Variants in ZFHX2 observed in about 807,000 individuals in gnomAD.
ZFHX2 encodes zinc finger homeobox 2.
Under a neutral mutation model 164.8 loss-of-function variants are expected in ZFHX2, and 75 were observed. The observed-to-expected ratio is 0.46, with a 90% CI of 0.38 to 0.55. The LOEUF is 0.55. Ranked by LOEUF, ZFHX2 falls within the 20% of genes least tolerant of loss-of-function variation. The pLI is 0.00. For missense variants in ZFHX2, 2,933 were observed against 3,308.0 expected, an observed-to-expected ratio of 0.89 and a Z score of 2.78; for synonymous variants, 1,217 against 1,351.4, an observed-to-expected ratio of 0.90 and a Z score of 2.18.
At position 23,524,737 on chromosome 14, in the gene ZFHX2, T is replaced by A. The variant is rs1204616936; in HGVS notation, c.5205A>T (p.Leu1735Phe). The A allele has an allele frequency of 6.5e-7, 1 of 1,536,364 alleles. No homozygotes were observed. The highest frequency in any genetic ancestry group is 8.7e-7 in the Non-Finnish European group (1 of 1,146,946). Residue 1735 changes from leucine (L) to phenylalanine (F), a missense_variant, in exon 9 of 10, where the codon TTA becomes TTT. By Grantham distance (22) the Leu-to-Phe change is conservative. Coordinates refer to ENST00000419474, the MANE Select transcript of ZFHX2 (RefSeq NM_033400.3). This position sits in a 1 kb window ranked among gnomAD's most constrained non-coding sequence, Gnocchi z 5.6. ...GCTCCTCCCCATCTGGAGGCTCTGG[T>A]AATGGGCCCTCAGGCCCTGCTGGAG... ...LEPPAGPEGP[L>F]PEPPDGEELS...
chr14:23,542,677 T>G (rs1237233845), intron 1 of ZFHX2, among the ~76,000 whole-genome samples: 1 of 152,006 alleles, frequency 6.6e-6, no homozygotes, highest in African/African-American at 2.4e-5. Flanking sequence ...AGAATCAGGA[T>G]CCTATCTGAT....
chr14:23,554,723 T>TGGTC (rs1314182658), upstream of ZFHX2, among the ~76,000 whole-genome samples: 17 of 152,098 alleles, frequency 1.1e-4, 1 homozygote, highest in African/African-American at 4.1e-4. Context: ...TCCTTCTCCC[T>TGGTC]ATAATACCTC....
In ZFHX2 at chr14:23,523,060, C is replaced by T. The variant is rs182649695; in HGVS notation, c.6740-119G>A. On this transcript the variant is annotated intron_variant, in intron 9 of 9. Coordinates refer to ENST00000419474, the MANE Select transcript of ZFHX2 (RefSeq NM_033400.3). This position sits in a 1 kb window ranked among gnomAD's most constrained non-coding sequence, Gnocchi z 4.1. The stretch of plus-strand genomic sequence containing the variant: ...CAGCACCGGATTTCCATGCCCCTTC[C>T]CTCCCTTCTTTCCCCCAAGAGCCTG... The T allele has an allele frequency of 2.5e-5, 35 of 1,405,150 alleles. No individual in the cohort carries two copies. In the Admixed American group the frequency reaches 3.8e-4, roughly 15 times the overall value. The allele number at this position is 1,405,150 out of a possible 1,614,324, so 87.0% of individuals were successfully genotyped here.
rs566764035 is a variant in ZFHX2 at position 23,523,151 on chromosome 14, A to G, written c.6739+52T>C. On this transcript the variant is annotated intron_variant, in intron 9 of 9. Coordinates refer to ENST00000419474, the MANE Select transcript of ZFHX2 (RefSeq NM_033400.3). The surrounding 1 kb of genome is among the most constrained non-coding windows in gnomAD (Gnocchi z 4.1). Reference sequence around the variant, plus strand: ...CAGGAAGGAAAAGGAAGGGCATGTCATTAGAGGGGGATGTTCTCTGAAGTC... The same window carrying G: ...CAGGAAGGAAAAGGAAGGGCATGTCGTTAGAGGGGGATGTTCTCTGAAGTC... 2.8e-6 allele frequency: 4 copies of G among 1,410,054 alleles called. No homozygotes were observed. The East Asian group carries it at 1.0e-4, about 37-fold the overall frequency. The allele number at this position is 1,410,054 out of a possible 1,614,324, so 87.3% of individuals were successfully genotyped here. A position where few individuals can be genotyped will look rare whatever the true frequency, so the allele number is the denominator to read the frequency against.
In ZFHX2 at chr14:23,524,786, A is replaced by ACTT. The variant is rs768749202; in HGVS notation, c.5153_5155dup (p.Glu1718dup). ...AGGTTCAAGGCCCTGTTCCTCCTCT[A>ACTT]CTTCTTCTTCTTCCACCTCTTCCTC... is the stretch of plus-strand genomic sequence containing the variant. On this transcript the variant is annotated inframe_insertion, in exon 9 of 10. Coordinates refer to ENST00000419474, the MANE Select transcript of ZFHX2 (RefSeq NM_033400.3). The surrounding 1 kb of genome is among the most constrained non-coding windows in gnomAD (Gnocchi z 5.6). 3.3e-5 allele frequency: 51 copies of ACTT among 1,536,198 alleles called. No individual in the cohort carries two copies. Among genetic ancestry groups the ACTT allele is most frequent in the Non-Finnish European group, 4.2e-5 (48 of 1,146,924 alleles).
chr14:23,526,833 G>C lies in ZFHX2; in HGVS notation c.3262+14C>G, dbSNP rs767546173. Reference sequence around the variant, plus strand: ...TTCCTGGTACCTTGGGAGGTTTGCTGTTCCATTCCTTACCTGCTGCCTGGT... The same window carrying C: ...TTCCTGGTACCTTGGGAGGTTTGCTCTTCCATTCCTTACCTGCTGCCTGGT... On this transcript the variant is annotated intron_variant, in intron 8 of 9. Coordinates refer to ENST00000419474, the MANE Select transcript of ZFHX2 (RefSeq NM_033400.3). The C allele has an allele frequency of 9.2e-6, 14 of 1,525,722 alleles. No individual in the cohort carries two copies. The highest frequency in any genetic ancestry group is 8.3e-5 in the African/African-American group (6 of 72,640). 94.5% of individuals were successfully genotyped at this position (1,525,722 alleles called of 1,614,324 possible). A position where few individuals can be genotyped will look rare whatever the true frequency, so the allele number is the denominator to read the frequency against.
chr14:23,526,192 G>A lies in ZFHX2; in HGVS notation c.3750C>T (p.Cys1250=). Residue 1250 remains cysteine, a synonymous_variant, in exon 9 of 10, where the codon TGC becomes TGT. Coordinates refer to ENST00000419474, the MANE Select transcript of ZFHX2 (RefSeq NM_033400.3). ...GGTTGTAGGAGACTCTGCAGACTGTGCACTTAAAGGGCTTGTCTGTGGCAG... is the reference window on the plus strand; with the variant it reads ...GGTTGTAGGAGACTCTGCAGACTGTACACTTAAAGGGCTTGTCTGTGGCAG... The part of the protein sequence containing the change: ...TTAATDKPFK[C]TVCRVSYNQS... 6.5e-7 allele frequency: 1 copy of A among 1,536,572 alleles called. No individual in the cohort carries two copies.
intron 3 of ZFHX2, chr14:23,531,946 T>G (rs905044189): frequency 6.6e-6 from 3 of 454,494 alleles, no homozygotes; most frequent in Non-Finnish European, 1.0e-5. Flanking sequence ...TGGCTAATTT[T>G]TGTATTTTTA....
At chr14:23,531,794 T>TC in intron 3 of ZFHX2, 73 bp from the exon 4 acceptor site, 1 of 1,265,632 alleles carries the variant, frequency 7.9e-7, no homozygotes, top group Non-Finnish European at 1.0e-6. Context: ...TTTTTTTTTT[T>TC]CTAGAGAGAG....
Position 23,524,840 on chromosome 14 carries a change from T to A in ZFHX2, c.5102A>T (p.Glu1701Val). Reference sequence around the variant, plus strand: ...TTCCCCTCTCTCTGCCTCTTCCTCCTCCTCTTCAAGGGTCTGGTCATCATA... The same window carrying A: ...TTCCCCTCTCTCTGCCTCTTCCTCCACCTCTTCAAGGGTCTGGTCATCATA... ...KCYDDQTLEE[E>V]EEEAERGEEE... is the part of the protein sequence containing the mutation. Residue 1701 changes from glutamate to valine, a missense_variant, in exon 9 of 10, where the codon GAG (glutamate) becomes GTG (valine). By Grantham distance (121) the Glu-to-Val change is moderately radical. Transcript: ENST00000419474. The surrounding 1 kb of genome is among the most constrained non-coding windows in gnomAD (Gnocchi z 5.6). 1.3e-6 allele frequency: 2 copies of A among 1,536,932 alleles called. No individual in the cohort carries two copies. The highest frequency in any genetic ancestry group is 4.9e-5 in the East Asian group (2 of 40,962).
chr14:23,529,642 A>G (rs1343921798), intron 6 of ZFHX2, 68 bp downstream of exon 6: 2 of 1,403,120 alleles, frequency 1.4e-6, no homozygotes, highest in East Asian at 2.5e-5. Context: ...GTCTGCCTTT[A>G]GAATATGAGC....
Position 23,523,104 on chromosome 14 carries a change from G to A in ZFHX2, c.6739+99C>T. ...GAGCCTGATGCAAAGGAAGGCCACAGGAGATTGGGCATGGGAAGAATCAGG... is the reference window on the plus strand; with the variant it reads ...GAGCCTGATGCAAAGGAAGGCCACAAGAGATTGGGCATGGGAAGAATCAGG... On this transcript the variant is annotated intron_variant, in intron 9 of 9. Coordinates refer to ENST00000419474, the MANE Select transcript of ZFHX2 (RefSeq NM_033400.3). This position sits in a 1 kb window ranked among gnomAD's most constrained non-coding sequence, Gnocchi z 4.1. 7.1e-7 allele frequency: 1 copy of A among 1,407,096 alleles called. No individual in the cohort carries two copies. The highest frequency in any genetic ancestry group is 9.2e-7 in the Non-Finnish European group (1 of 1,086,064). 87.2% of individuals were successfully genotyped at this position (1,407,096 alleles called of 1,614,324 possible). A position where few individuals can be genotyped will look rare whatever the true frequency, so the allele number is the denominator to read the frequency against.
At chr14:23,547,782 A>G (rs1017994356) in intron 1 of ZFHX2, among the ~76,000 whole-genome samples, 2 of 152,208 alleles carry the variant, frequency 1.3e-5, no homozygotes, top group Non-Finnish European at 2.9e-5. Flanking sequence ...CTCCCTACTA[A>G]TTCAACGTTT....
In ZFHX2 at chr14:23,524,682, C is replaced by T. The variant is rs1878478860; in HGVS notation, c.5260G>A (p.Gly1754Ser). 1.3e-6 allele frequency: 2 copies of T among 1,536,184 alleles called. No homozygotes were observed. The highest frequency in any genetic ancestry group is 2.7e-5 in the African/African-American group (2 of 73,022). ...LSQAEATKAG[G>S]KEPEEKATPS... ...GTAGCCTTCTCTTCAGGCTCTTTGC[C>T]TCCTGCCTTTGTTGCCTCTGCTTGG... Residue 1754 changes from glycine to serine, a missense_variant, in exon 9 of 10, where the codon GGC becomes AGC. By Grantham distance (56) the Gly-to-Ser change is moderately conservative. Coordinates refer to ENST00000419474, the MANE Select transcript of ZFHX2 (RefSeq NM_033400.3). The surrounding 1 kb of genome is among the most constrained non-coding windows in gnomAD (Gnocchi z 5.6).
rs1319676043 is a variant in ZFHX2, at chr14:23,520,991, G to A, written c.*971C>T. 1 of 151,200 alleles carries A rather than the reference G, an allele frequency of 6.6e-6. No individual in the cohort carries two copies. Among genetic ancestry groups the A allele is most frequent in the Non-Finnish European group, 1.5e-5 (1 of 67,906 alleles). 9.4% of individuals were successfully genotyped at this position (151,200 alleles called of 1,614,324 possible). Reference sequence around the variant, plus strand: ...ACTCTCTCTCGCTCTTGCTTTTTTGGTTGTGTTTCAGTTTTTTTTTTTGAA... The same window carrying A: ...ACTCTCTCTCGCTCTTGCTTTTTTGATTGTGTTTCAGTTTTTTTTTTTGAA... On this transcript the variant is annotated 3_prime_UTR_variant, in exon 10 of 10. Coordinates refer to ENST00000419474, the MANE Select transcript of ZFHX2 (RefSeq NM_033400.3). The surrounding 1 kb of genome is among the most constrained non-coding windows in gnomAD (Gnocchi z 8.7).
In ZFHX2 at chr14:23,546,792, C is replaced by T. The variant is rs1256653581; in HGVS notation, c.-50+4551G>A. Among the ~76,000 whole-genome samples the T allele has an allele frequency of 2.0e-5, 3 of 152,130 alleles. No homozygotes were observed. Among genetic ancestry groups the T allele is most frequent in the African/African-American group, 2.4e-5 (1 of 41,406 alleles). On this transcript the variant is annotated intron_variant, in intron 1 of 9. Transcript: ENST00000419474. The surrounding 1 kb of genome is among the most constrained non-coding windows in gnomAD (Gnocchi z 4.7). Reference sequence around the variant, plus strand: ...AAGGACCACTGTGTCGACAGCCTGTCGCTTGCTGCAAAATATGAGCTGCCC... The same window carrying T: ...AAGGACCACTGTGTCGACAGCCTGTTGCTTGCTGCAAAATATGAGCTGCCC...
Position 23,525,203 on chromosome 14 carries a change from T to C in ZFHX2, c.4739A>G (p.Glu1580Gly). 3 of 1,536,106 alleles carry C rather than the reference T, an allele frequency of 2.0e-6. No individual in the cohort carries two copies. The highest frequency in any genetic ancestry group is 2.6e-6 in the Non-Finnish European group (3 of 1,146,892). ...RAGGHWPIEE[E>G]ESSRGNLPPL... ...AGGAAGATTCCCTCTGGAGCTTTCTTCCTCTTCTATGGGCCAGTGTCCCCC... is the reference window on the plus strand; with the variant it reads ...AGGAAGATTCCCTCTGGAGCTTTCTCCCTCTTCTATGGGCCAGTGTCCCCC... The change falls in exon 9 of 10, where the codon GAA becomes GGA. Residue 1580 changes from glutamate to glycine, a missense_variant. Transcript: ENST00000419474. This position sits in a 1 kb window ranked among gnomAD's most constrained non-coding sequence, Gnocchi z 5.9.
At chr14:23,538,454 C>T (rs540439710) in intron 1 of ZFHX2, among the ~76,000 whole-genome samples, 1 of 152,060 alleles carries the variant, frequency 6.6e-6, no homozygotes, top group African/African-American at 2.4e-5. Flanking sequence ...TCTTTCCTTC[C>T]TTCCCTCTCA....
chr14:23,525,323 G>C lies in ZFHX2; in HGVS notation c.4619C>G (p.Ser1540Cys). 6.5e-7 allele frequency: 1 copy of C among 1,536,110 alleles called. No homozygotes were observed. The highest frequency in any genetic ancestry group is 2.4e-5 in the East Asian group (1 of 40,896). Residue 1540 changes from serine to cysteine, a missense_variant, in exon 9 of 10, where the codon TCT becomes TGT. Coordinates refer to ENST00000419474, the MANE Select transcript of ZFHX2 (RefSeq NM_033400.3). The surrounding 1 kb of genome is among the most constrained non-coding windows in gnomAD (Gnocchi z 5.9). ...CAGATGGGGAACAGGTGAATCCAGA[G>C]ACCCATCAGGAGGTTTGGGAGGCTC... ...LAEPPKPPDG[S>C]LDSPVPHLGP...
Sources: allele counts gnomAD v4.1 joint callset (sites outside exome capture counted in the v4.1 genomes callset), GRCh38; gene constraint gnomAD v4.1.1; non-coding constraint Gnocchi (gnomAD v3.1); transcripts MANE v1.5; gene names NCBI Gene and HGNC (gene_info 2026-07-23, HGNC 2026-07-21).